The following BICC1 variants were observed in gnomAD, a reference collection of about 807,000 sequenced individuals.
BICC1 encodes the protein protein bicaudal C homolog 1.
A neutral mutation model predicts 111.0 loss-of-function variants in BICC1; 43 were observed. The observed-to-expected ratio is 0.39, with a 90% confidence interval of 0.30 to 0.50. The LOEUF (loss-of-function observed/expected upper bound fraction) is 0.50, where lower values mean the gene tolerates loss of function less well. Ranked by LOEUF, BICC1 falls within the 20% of genes least tolerant of loss-of-function variation. BICC1 has a pLI of 0.88. For missense variants in BICC1, 1,091 were observed against 1,203.2 expected (o/e 0.91, Z 1.38); for synonymous variants, 467 against 434.4 (o/e 1.07, Z -0.93).
chr10:58,543,750 C>T (rs1243640107), intron 1 of BICC1, among the ~76,000 whole-genome samples: 1 of 150,784 alleles, frequency 6.6e-6, no homozygotes, highest in Admixed American at 6.6e-5. Context: ...TCAAGCGATC[C>T]TCCTGTCTCG....
At chr10:58,743,009 A>C (rs1841718121) in intron 3 of BICC1, among the ~76,000 whole-genome samples, 1 of 152,210 alleles carries the variant, frequency 6.6e-6, no homozygotes, top group Non-Finnish European at 1.5e-5. Context: ...CAATGTGAAT[A>C]AAATAGTTAA....
At chr10:58,697,243 A>AT (rs1564560235) in intron 2 of BICC1, among the ~76,000 whole-genome samples, 1 of 152,148 alleles carries the variant, frequency 6.6e-6, no homozygotes, top group African/African-American at 2.4e-5. Context: ...TTCTTGTCAG[A>AT]TTTTTTGGGA....
intron 8 of BICC1, among the ~76,000 whole-genome samples, chr10:58,790,396 A>C (rs1843141315): frequency 6.6e-6 from 1 of 152,236 alleles, no homozygotes; most frequent in South Asian, 2.1e-4. Context: ...TCTTTGATCC[A>C]ATTAAAAAAT....
intron 1 of BICC1, among the ~76,000 whole-genome samples, chr10:58,584,543 A>T (rs1170216531): frequency 1.3e-5 from 2 of 152,140 alleles, no homozygotes; most frequent in South Asian, 4.1e-4. Flanking sequence ...CATGGCTGGG[A>T]TGCTATTACA....
At chr10:58,585,357 A>T (rs1427298004) in intron 1 of BICC1, among the ~76,000 whole-genome samples, 1 of 152,128 alleles carries the variant, frequency 6.6e-6, no homozygotes, top group African/African-American at 2.4e-5. Flanking sequence ...AACAGTTCCT[A>T]AGGACGGGTG....
intron 2 of BICC1, among the ~76,000 whole-genome samples, chr10:58,666,399 A>G (rs1839011348): frequency 6.6e-6 from 1 of 152,220 alleles, no homozygotes; most frequent in South Asian, 2.1e-4. Context: ...TAGTTCATCT[A>G]TAAGGACTCA....
At chr10:58,733,608 C>A (rs974130839) in intron 3 of BICC1, among the ~76,000 whole-genome samples, 1 of 152,218 alleles carries the variant, frequency 6.6e-6, no homozygotes, top group African/African-American at 2.4e-5. Flanking sequence ...CTGCTCAAGC[C>A]TGTTTCTATG....
At chr10:58,764,629 C>CTTTTTTTTTTTTTTTTTTTTTTTTT in intron 3 of BICC1, among the ~76,000 whole-genome samples, 1 of 117,584 alleles carries the variant, frequency 8.5e-6, no homozygotes. Flanking sequence ...TAATTTCCTT[C>CTTTTTTTTTTTTTTTTTTTTTTTTT]TTTTTTTTTT....
chr10:58,653,408 A>G (rs1328568270), intron 2 of BICC1, among the ~76,000 whole-genome samples: 4 of 152,154 alleles, frequency 2.6e-5, no homozygotes, highest in Admixed American at 2.0e-4. Flanking sequence ...TGCTTGATAA[A>G]TCACATTCAC....
At chr10:58,777,717 A>C (rs1158425656) in intron 3 of BICC1, among the ~76,000 whole-genome samples, 1 of 152,132 alleles carries the variant, frequency 6.6e-6, no homozygotes, top group Non-Finnish European at 1.5e-5. Context: ...TCTCTGTTAA[A>C]TATTAAGTTT....
chr10:58,711,787 T>C (rs532793619), intron 3 of BICC1, among the ~76,000 whole-genome samples: 60 of 146,130 alleles, frequency 4.1e-4, no homozygotes, highest in Admixed American at 2.2e-3. Context: ...TAAGCAAATA[T>C]ATCTGGTAGT....
intron 1 of BICC1, among the ~76,000 whole-genome samples, chr10:58,601,343 T>C (rs560748583): frequency 1.1e-4 from 17 of 151,612 alleles, no homozygotes; most frequent in African/African-American, 3.9e-4. Flanking sequence ...AATCATGCCT[T>C]ATTTTCTTTT....
intron 1 of BICC1, among the ~76,000 whole-genome samples, chr10:58,595,449 G>GA (rs1174089398): frequency 1.3e-5 from 2 of 152,072 alleles, no homozygotes; most frequent in Non-Finnish European, 2.9e-5. Context: ...TTCTAAAATT[G>GA]ACCATGTAAT....
intron 3 of BICC1, among the ~76,000 whole-genome samples, chr10:58,731,712 GA>G: frequency 2.5e-3 from 1 of 408 alleles, no homozygotes; most frequent in African/African-American, 4.0e-3. Context: ...CAAGGGGAGA[GA>G]GAGAGAGAGA....
At chr10:58,513,434 C>A in intron 1 of BICC1, 101 bp downstream of exon 1, 1 of 1,089,418 alleles carries the variant, frequency 9.2e-7, no homozygotes, top group Non-Finnish European at 1.2e-6. Flanking sequence ...AGCCTACGGC[C>A]GGCCGGTTTA....
chr10:58,517,329 C>T (rs7098606), intron 1 of BICC1, among the ~76,000 whole-genome samples: 85,967 of 151,980 alleles, frequency 0.57, 26,108 homozygotes, highest in African/African-American at 0.8. Context: ...TGCTACTGCT[C>T]GGTTGAGTAG....
At chr10:58,516,892 A>G (rs1333223580) in intron 1 of BICC1, among the ~76,000 whole-genome samples, 5 of 152,166 alleles carry the variant, frequency 3.3e-5, no homozygotes, top group South Asian at 2.1e-4. Flanking sequence ...TATAGCAGGA[A>G]GTCTGGGAGA....
At chr10:58,678,119 A>G (rs1308546384) in intron 2 of BICC1, among the ~76,000 whole-genome samples, 1 of 152,216 alleles carries the variant, frequency 6.6e-6, no homozygotes, top group East Asian at 1.9e-4. Flanking sequence ...CGATGCTAGG[A>G]AGAAACTGCA....
At chr10:58,673,786 CT>C (rs5785337) in intron 2 of BICC1, among the ~76,000 whole-genome samples, 49 of 138,226 alleles carry the variant, frequency 3.5e-4, no homozygotes, top group Non-Finnish European at 2.6e-4. Context: ...CCACGCCCAG[CT>C]TTTTTTTTTT....
Sources: allele counts gnomAD v4.1 joint callset (sites outside exome capture counted in the v4.1 genomes callset), GRCh38; gene constraint gnomAD v4.1.1; transcripts MANE v1.5; gene names NCBI Gene and HGNC (gene_info 2026-07-23, HGNC 2026-07-21).